The following CDH4 variants were observed in gnomAD, a reference collection of about 807,000 sequenced individuals.
CDH4 encodes cadherin 4.
CDH4 carries 33 observed loss-of-function variants against 86.0 expected under a neutral mutation model. That is an observed-to-expected ratio of 0.38 (90% confidence interval 0.29 to 0.51). The LOEUF (loss-of-function observed/expected upper bound fraction) is 0.51. Among genes scored for constraint, CDH4 ranks in the 20% least tolerant of loss-of-function variants. CDH4 has a pLI of 0.86. For missense variants in CDH4, 1,114 were observed against 1,307.4 expected (o/e 0.85, Z 2.28); for synonymous variants, 555 against 549.4 (o/e 1.01, Z -0.14).
At chr20:61,319,161 CAT>C (rs1429556688) in intron 2 of CDH4, among the ~76,000 whole-genome samples, 4 of 151,538 alleles carry the variant, frequency 2.6e-5, no homozygotes, top group African/African-American at 7.3e-5. Context: ...AATAATATAA[CAT>C]ATAAAAATAT....
intron 2 of CDH4, among the ~76,000 whole-genome samples, chr20:61,331,716 A>ACCTACCCCAGACCCACCTCCTGCCCCGG (rs2084580721): frequency 6.3e-3 from 76 of 11,972 alleles, no homozygotes; most frequent in Admixed American, 0.011. Context: ...TCCTGCCCCG[A>ACCTACCCCAGACCCACCTCCTGCCCCGG]CCACCTGACA....
chr20:61,923,429 C>T (rs1025420452), intron 9 of CDH4, 22 bp from the exon 10 acceptor site: 2 of 1,612,906 alleles, frequency 1.2e-6, no homozygotes, highest in South Asian at 1.1e-5. Flanking sequence ...AGGTCACTCC[C>T]AGCCCTGATC....
chr20:61,602,063 G>A (rs549470998), intron 2 of CDH4, among the ~76,000 whole-genome samples: 13 of 152,164 alleles, frequency 8.5e-5, no homozygotes, highest in Non-Finnish European at 1.5e-4. Context: ...CACCTTCTCC[G>A]GGGGTGGAGC....
chr20:61,328,470 C>T (rs78803067), intron 2 of CDH4, among the ~76,000 whole-genome samples: 3,627 of 152,274 alleles, frequency 0.024, 142 homozygotes, highest in African/African-American at 0.081. Context: ...CCACCGCGCC[C>T]GGCCCAAAAT....
intron 2 of CDH4, among the ~76,000 whole-genome samples, chr20:61,731,605 A>T (rs2088188142): frequency 6.6e-6 from 1 of 152,200 alleles, no homozygotes; most frequent in Non-Finnish European, 1.5e-5. Flanking sequence ...GCATGTTTGT[A>T]GAATCGGAAA....
At chr20:61,777,212 A>T (rs1003259020) in intron 4 of CDH4, among the ~76,000 whole-genome samples, 1 of 152,244 alleles carries the variant, frequency 6.6e-6, no homozygotes, top group Non-Finnish European at 1.5e-5. Context: ...TGTTGTAAAC[A>T]GCCCTTGGCA....
intron 2 of CDH4, among the ~76,000 whole-genome samples, chr20:61,263,088 C>T (rs551806169): frequency 1.0e-3 from 152 of 152,084 alleles, no homozygotes; most frequent in African/African-American, 3.5e-3. Flanking sequence ...TACCATAAGC[C>T]GAATGAAGCT....
At chr20:61,354,755 T>C (rs1600895240) in intron 2 of CDH4, among the ~76,000 whole-genome samples, 1 of 152,196 alleles carries the variant, frequency 6.6e-6, no homozygotes, top group African/African-American at 2.4e-5. Flanking sequence ...CGTTGGCTTA[T>C]CGTCCCGGGG....
rs145353756 is a variant in CDH4, at chr20:61,828,224, C to T, written c.577-16444C>T. The stretch of plus-strand genomic sequence containing the variant: ...ATAAATAAAAGAGAGACAGTGGCAA[C>T]GAGAGAGACCAAGAAAAAGAGAGAA... On this transcript the variant is annotated intron_variant, in intron 4 of 15. Transcript: ENST00000614565. 6.4e-3 allele frequency among the ~76,000 whole-genome samples: 974 copies of T among 152,174 alleles called. 4 individuals are homozygous for T. Among genetic ancestry groups the T allele is most frequent in the South Asian group, 0.015 (73 of 4,808 alleles).
chr20:61,654,181 G>A (rs974815495), intron 2 of CDH4, among the ~76,000 whole-genome samples: 3 of 152,192 alleles, frequency 2.0e-5, no homozygotes, highest in East Asian at 1.9e-4. Flanking sequence ...CCAGCACCTC[G>A]GGAGGCCAAG....
At chr20:61,638,551 A>G (rs185721155) in intron 2 of CDH4, among the ~76,000 whole-genome samples, 284 of 152,236 alleles carry the variant, frequency 1.9e-3, no homozygotes, top group African/African-American at 6.5e-3. Context: ...GCCGGGTGAC[A>G]TGGAGACCAA....
chr20:61,841,080 G>T (rs548325500), intron 4 of CDH4, among the ~76,000 whole-genome samples: 2 of 152,268 alleles, frequency 1.3e-5, no homozygotes, highest in East Asian at 3.9e-4. Context: ...CCATCCTTCC[G>T]GCTGCTGCAG....
At chr20:61,425,773 C>T (rs555719533) in intron 2 of CDH4, among the ~76,000 whole-genome samples, 102 of 145,168 alleles carry the variant, frequency 7.0e-4, no homozygotes, top group African/African-American at 1.9e-3. Context: ...GAGGGCCCCG[C>T]CCAGGGCAGG....
At chr20:61,731,865 G>T (rs868672636) in intron 2 of CDH4, among the ~76,000 whole-genome samples, 2 of 152,190 alleles carry the variant, frequency 1.3e-5, no homozygotes, top group Non-Finnish European at 2.9e-5. Flanking sequence ...GCCTGGCGGG[G>T]ATGCCTCTAC....
At chr20:61,405,974 C>A (rs1220362222) in intron 2 of CDH4, among the ~76,000 whole-genome samples, 1 of 152,198 alleles carries the variant, frequency 6.6e-6, no homozygotes, top group Non-Finnish European at 1.5e-5. Context: ...GCCACCGCGC[C>A]CGGCCTATAA....
intron 2 of CDH4, among the ~76,000 whole-genome samples, chr20:61,444,060 CTGTG>C (rs1162475364): frequency 1.5e-4 from 5 of 34,222 alleles, no homozygotes; most frequent in Non-Finnish European, 2.2e-4. Context: ...CTCTGGTTGT[CTGTG>C]TGTGTGTCTG....
chr20:61,868,514 A>T (rs577134250), intron 6 of CDH4, among the ~76,000 whole-genome samples: 19 of 152,158 alleles, frequency 1.2e-4, no homozygotes, highest in Non-Finnish European at 2.8e-4. Context: ...AAGGGCCAGC[A>T]TCTCAACTCC....
chr20:61,881,068 C>G (rs763519498), intron 7 of CDH4, among the ~76,000 whole-genome samples: 1 of 152,222 alleles, frequency 6.6e-6, no homozygotes, highest in South Asian at 2.1e-4. Flanking sequence ...GGTGAGGAAG[C>G]TGAGTGCCCC....
At position 61,936,892 on chromosome 20, in the gene CDH4, G is replaced by A. The variant is rs147692609; in HGVS notation, c.2700G>A (p.Gly900=). The A allele has an allele frequency of 3.1e-6, 5 of 1,601,208 alleles. No homozygotes were observed. The highest frequency in any genetic ancestry group is 4.3e-6 in the Non-Finnish European group (5 of 1,174,042). The part of the protein sequence containing the change: ...DQDYDYLNDW[G]PRFKKLADMY... ...ACTACGATTACCTCAACGACTGGGG[G>A]CCCAGATTCAAGAAGCTGGCGGACA... Residue 900 remains glycine, a synonymous_variant, in exon 16 of 16, where the codon GGG becomes GGA. Transcript: ENST00000614565.
Sources: gnomAD v4.1 joint callset for allele counts (sites outside exome capture counted in the v4.1 genomes callset) on GRCh38, gnomAD v4.1.1 for gene constraint, MANE v1.5 for transcripts, NCBI Gene and HGNC (gene_info 2026-07-23, HGNC 2026-07-21) for gene names.